Variants in WSCD1 observed in about 807,000 individuals in gnomAD.
The protein encoded by WSCD1 is sialate:O-sulfotransferase 1.
In WSCD1, 41 loss-of-function variants were observed where a neutral mutation model predicts 60.4. The observed-to-expected ratio is 0.68, with a 90% CI of 0.53 to 0.88. WSCD1 has a LOEUF of 0.88. Ranked by LOEUF, WSCD1 falls within the 40% of genes least tolerant of loss-of-function variation. The pLI is 0.00. For missense variants in WSCD1, 784 were observed against 796.2 expected (o/e 0.98, Z 0.18); for synonymous variants, 361 against 332.5 (o/e 1.09, Z -0.93).
In WSCD1 at chr17:6,110,735, A is replaced by G. The variant is rs1911360168; in HGVS notation, c.1010-36A>G. The G allele has an allele frequency of 1.3e-6, 2 of 1,583,602 alleles. No individual in the cohort carries two copies. Among genetic ancestry groups the G allele is most frequent in the Non-Finnish European group, 1.7e-6 (2 of 1,158,948 alleles). ...GTGGTGAATTGGTGAGTCATAATGG[A>G]AGTGAGTAACCCCGTGATGACTTTT... On this transcript the variant is annotated intron_variant, in intron 6 of 8. Coordinates refer to ENST00000317744, the MANE Select transcript of WSCD1 (RefSeq NM_015253.2). The surrounding 1 kb of genome is among the most constrained non-coding windows in gnomAD (Gnocchi z 4.8).
At chr17:6,085,657 C>A (rs953922207) in intron 2 of WSCD1, among the ~76,000 whole-genome samples, 3 of 152,166 alleles carry the variant, frequency 2.0e-5, no homozygotes, top group Non-Finnish European at 4.4e-5. Flanking sequence ...TGAGCCCAAG[C>A]ACCTTGAAAA....
At chr17:6,070,121 G>T (rs1433760491), upstream of WSCD1, among the ~76,000 whole-genome samples, 1 of 148,274 alleles carries the variant, frequency 6.7e-6, no homozygotes, top group African/African-American at 2.5e-5. Context: ...AGCCCGTGGG[G>T]CCCCGGTGAA....
intron 7 of WSCD1, among the ~76,000 whole-genome samples, chr17:6,115,064 C>A (rs1045823207): frequency 3.3e-5 from 5 of 152,090 alleles, no homozygotes; most frequent in Non-Finnish European, 5.9e-5. Context: ...AAAAGAGAAT[C>A]ACTTGGTCCT....
At chr17:6,071,527 C>T (rs1170762955) in intron 1 of WSCD1, among the ~76,000 whole-genome samples, 1 of 152,268 alleles carries the variant, frequency 6.6e-6, no homozygotes, top group African/African-American at 2.4e-5. Flanking sequence ...TGGACAGATG[C>T]AGGACTCCGC....
chr17:6,089,317 A>G (rs1909874574), intron 3 of WSCD1, among the ~76,000 whole-genome samples: 1 of 152,232 alleles, frequency 6.6e-6, no homozygotes, highest in African/African-American at 2.4e-5. Flanking sequence ...TCTCACCGCC[A>G]GGACGTGGTC....
chr17:6,097,579 C>T (rs1000874854), intron 5 of WSCD1, among the ~76,000 whole-genome samples: 8 of 152,214 alleles, frequency 5.3e-5, no homozygotes, highest in Non-Finnish European at 7.3e-5. Flanking sequence ...TACCATTGCA[C>T]GGAGGTCCTA....
Position 6,120,537 on chromosome 17 carries a change from C to T in WSCD1, c.1604C>T (p.Ser535Phe). ...AGCTTCCGGCGGCGCGGCCGGCGCT[C>T]CCACGACCCTGAGCCCTTCACCCCG... ...EGSFRRRGRR[S>F]HDPEPFTPEM... is the part of the protein sequence containing the mutation. Residue 535 changes from serine (S) to phenylalanine (F), a missense_variant, in exon 9 of 9, where the codon TCC becomes TTC. By Grantham distance (155) the Ser-to-Phe change is radical. Transcript: ENST00000317744. 1.2e-6 allele frequency: 2 copies of T among 1,613,778 alleles called. No individual in the cohort carries two copies. The highest frequency in any genetic ancestry group is 1.7e-6 in the Non-Finnish European group (2 of 1,180,006).
chr17:6,071,001 C>G (rs1022315273), intron 1 of WSCD1: 1 of 152,000 alleles, frequency 6.6e-6, no homozygotes, highest in Non-Finnish European at 1.5e-5. Flanking sequence ...CGGTTGGTCC[C>G]GGGGAGGGGG....
At chr17:6,111,114 C>T (rs981049544) in intron 7 of WSCD1, among the ~76,000 whole-genome samples, 179 bp downstream of exon 7, 5 of 152,042 alleles carry the variant, frequency 3.3e-5, no homozygotes, top group East Asian at 3.9e-4. Context: ...AAGACCAGCC[C>T]GCCTGGTGGT....
intron 2 of WSCD1, among the ~76,000 whole-genome samples, chr17:6,084,472 T>C (rs1294846900): frequency 6.6e-6 from 1 of 152,192 alleles, no homozygotes; most frequent in Non-Finnish European, 1.5e-5. Flanking sequence ...GGGTGTCTCT[T>C]TGTGGCCCGG....
chr17:6,090,237 C>T (rs1909934217), intron 3 of WSCD1, 84 bp from the exon 4 acceptor site: 2 of 1,344,238 alleles, frequency 1.5e-6, no homozygotes, highest in Non-Finnish European at 2.0e-6. Flanking sequence ...TTCTAATCTA[C>T]ATCAAGCTGA....
chr17:6,101,385 C>T lies in WSCD1; in HGVS notation c.849+6162C>T, dbSNP rs139034021. Among the ~76,000 whole-genome samples the T allele has an allele frequency of 2.7e-3, 418 of 152,182 alleles. 2 individuals carry two copies. Among genetic ancestry groups the T allele is most frequent in the African/African-American group, 8.9e-3 (368 of 41,512 alleles). On this transcript the variant is annotated intron_variant, in intron 5 of 8. Transcript: ENST00000317744. This position sits in a 1 kb window ranked among gnomAD's most constrained non-coding sequence, Gnocchi z 4.1. ...TAGGAAGCTAGGGGCTTAATTAGAGCTGGCCGGGCAGTGGGGCTGGGAGCA... is the reference window on the plus strand; with the variant it reads ...TAGGAAGCTAGGGGCTTAATTAGAGTTGGCCGGGCAGTGGGGCTGGGAGCA...
Position 6,121,683 on chromosome 17 carries a change from G to A in WSCD1, c.*1022G>A, listed in dbSNP as rs11651978. On this transcript the variant is annotated 3_prime_UTR_variant, in exon 9 of 9. Transcript: ENST00000317744. ...GAGATTGTAAGGGCTGTATCTCCGC[G>A]ATTACTGGTACTGGTGCTCCACCCA... The A allele has an allele frequency of 0.043, 6,512 of 152,346 alleles. 181 individuals carry two copies. Among genetic ancestry groups the A allele is most frequent in the Middle Eastern group, 0.075 (22 of 292 alleles). The allele number at this position is 152,346 out of a possible 1,614,324, so 9.4% of individuals were successfully genotyped here.
Position 6,123,501 on chromosome 17 carries a change from A to G in WSCD1, c.*2840A>G, listed in dbSNP as rs1001963220. The G allele has an allele frequency of 1.3e-5, 2 of 152,216 alleles. No individual in the cohort carries two copies. Among genetic ancestry groups the G allele is most frequent in the Non-Finnish European group, 2.9e-5 (2 of 68,036 alleles). The allele number at this position is 152,216 out of a possible 1,614,324, so 9.4% of individuals were successfully genotyped here. A position where few individuals can be genotyped will look rare whatever the true frequency, so the allele number is the denominator to read the frequency against. ...CTCTTGCAGCTAAAATTAGATTTTGAGTGCATGAATCTGTGATAATGTTTG... is the reference window on the plus strand; with the variant it reads ...CTCTTGCAGCTAAAATTAGATTTTGGGTGCATGAATCTGTGATAATGTTTG... On this transcript the variant is annotated 3_prime_UTR_variant, in exon 9 of 9. Coordinates refer to ENST00000317744, the MANE Select transcript of WSCD1 (RefSeq NM_015253.2).
chr17:6,085,680 T>G (rs962515214), intron 2 of WSCD1, among the ~76,000 whole-genome samples: 1 of 152,222 alleles, frequency 6.6e-6, no homozygotes, highest in African/African-American at 2.4e-5. Flanking sequence ...TTGTGGTTAA[T>G]TTCCCATCTA....
rs150583820 is a variant in WSCD1, at chr17:6,080,745, C to T, written c.87C>T (p.Thr29=). 8.0e-5 allele frequency: 129 copies of T among 1,612,300 alleles called. No individual in the cohort carries two copies. The highest frequency in any genetic ancestry group is 6.5e-4 in the Admixed American group (39 of 60,000). ...TCCTCACGGCTGCCTACCTGATGAC[C>T]GGCAGCCTGCTGCTGCTGCAGCGGG... is the stretch of plus-strand genomic sequence containing the variant. ...LFFLTAAYLM[T]GSLLLLQRVR... is the part of the protein sequence containing the mutation. The change falls in exon 2 of 9, where the codon ACC becomes ACT. Residue 29 remains threonine (T), a synonymous_variant. Transcript: ENST00000317744. This position sits in a 1 kb window ranked among gnomAD's most constrained non-coding sequence, Gnocchi z 6.6.
intron 2 of WSCD1, among the ~76,000 whole-genome samples, chr17:6,082,687 C>T (rs1909359145): frequency 6.6e-6 from 1 of 152,148 alleles, no homozygotes; most frequent in African/African-American, 2.4e-5. Context: ...CACCCGAAGT[C>T]AGAAGAGGAA....
At chr17:6,090,233 T>C in intron 3 of WSCD1, 88 bp from the exon 4 acceptor site, 1 of 1,319,102 alleles carries the variant, frequency 7.6e-7, no homozygotes, top group East Asian at 2.6e-5. Context: ...TACTTTCTAA[T>C]CTACATCAAG....
At chr17:6,096,346 A>G (rs577753972) in intron 5 of WSCD1, among the ~76,000 whole-genome samples, 3 of 152,142 alleles carry the variant, frequency 2.0e-5, no homozygotes, top group Non-Finnish European at 4.4e-5. Flanking sequence ...TCGGATCTGC[A>G]GGAGCAGCAC....
Sources: allele counts gnomAD v4.1 joint callset (sites outside exome capture counted in the v4.1 genomes callset), GRCh38; gene constraint gnomAD v4.1.1; non-coding constraint Gnocchi (gnomAD v3.1); transcripts MANE v1.5; gene names NCBI Gene and HGNC (gene_info 2026-07-23, HGNC 2026-07-21).